The following COG2 variants were observed in gnomAD, a reference collection of about 807,000 sequenced individuals.
The protein encoded by COG2 is component of oligomeric golgi complex 2.
A neutral mutation model predicts 90.6 loss-of-function variants in COG2; 52 were observed. The observed-to-expected ratio is 0.57, with a 90% CI of 0.46 to 0.72. COG2 has a LOEUF of 0.72. Among genes scored for constraint, COG2 ranks in the 30% least tolerant of loss-of-function variants. The pLI is 0.00. For missense variants in COG2, 829 were observed against 891.2 expected (o/e 0.93, Z 0.89); for synonymous variants, 337 against 320.4 (o/e 1.05, Z -0.55).
intron 11 of COG2, among the ~76,000 whole-genome samples, chr1:230,684,040 C>A (rs368305988): frequency 4.6e-5 from 7 of 152,042 alleles, no homozygotes; most frequent in African/African-American, 1.2e-4. Context: ...ATTCACCCCC[C>A]CTTGGCCTTC....
At chr1:230,689,712 G>C (rs532744090) in intron 15 of COG2, among the ~76,000 whole-genome samples, 1 of 152,204 alleles carries the variant, frequency 6.6e-6, no homozygotes, top group African/African-American at 2.4e-5. Context: ...TGGTGTGGAC[G>C]TGAGGCCACG....
At chr1:230,670,040 G>C (rs16852189) in intron 7 of COG2, 3 of 152,466 alleles carry the variant, frequency 2.0e-5, no homozygotes, top group Admixed American at 1.3e-4. Flanking sequence ...ATACAGAGGA[G>C]TTTGCTGGAC....
chr1:230,674,917 T>C, intron 8 of COG2, 81 bp from the exon 9 acceptor site: 1 of 1,102,928 alleles, frequency 9.1e-7, no homozygotes, highest in Non-Finnish European at 1.3e-6. Context: ...GCGGATCTTT[T>C]GGCAGAAGCA....
intron 17 of COG2, 90 bp downstream of exon 17, chr1:230,691,654 A>G: frequency 8.1e-7 from 1 of 1,229,664 alleles, no homozygotes; most frequent in Non-Finnish European, 1.1e-6. Context: ...GATCCCAGAG[A>G]TGCTGTCGCA....
At chr1:230,653,109 T>C (rs1195864588) in intron 1 of COG2, among the ~76,000 whole-genome samples, 16 of 152,222 alleles carry the variant, frequency 1.1e-4, no homozygotes, top group African/African-American at 3.9e-4. Flanking sequence ...TTATTTGTCT[T>C]ATAACTGAAA....
Position 230,669,357 on chromosome 1 carries a change from G to A in COG2, c.596G>A (p.Arg199His), listed in dbSNP as rs147719039. The A allele has an allele frequency of 3.4e-5, 55 of 1,610,382 alleles. No individual in the cohort carries two copies. Among genetic ancestry groups the A allele is most frequent in the Admixed American group, 8.4e-5 (5 of 59,744 alleles). The change falls in exon 7 of 18, where the codon CGT becomes CAT. Residue 199 changes from arginine (R) to histidine (H), a missense_variant and splice_region_variant. Arg to His is a conservative substitution (Grantham distance 29). Transcript: ENST00000366669. ...GMPLLDKVRP[R>H]IAGITAMLQQ... Reference sequence around the variant, plus strand: ...TTATTTACCCACCTTTTCTTGCAGCGTATAGCTGGCATTACAGCCATGTTA... The same window carrying A: ...TTATTTACCCACCTTTTCTTGCAGCATATAGCTGGCATTACAGCCATGTTA...
chr1:230,677,579 G>T (rs1662630717), intron 9 of COG2, among the ~76,000 whole-genome samples: 1 of 152,144 alleles, frequency 6.6e-6, no homozygotes, highest in Admixed American at 6.6e-5. Context: ...TAAGGAGAGT[G>T]AAATAATGGC....
At position 230,678,540 on chromosome 1, in the gene COG2, C is replaced by T. The variant is rs1010575730; in HGVS notation, c.1027-373C>T. 11 of 1,154,498 alleles carry T rather than the reference C, an allele frequency of 9.5e-6. No homozygotes were observed. The African/African-American group carries it at 9.7e-5, about 10-fold the overall frequency. 71.5% of individuals were successfully genotyped at this position (1,154,498 alleles called of 1,614,324 possible). A position where few individuals can be genotyped will look rare whatever the true frequency, so the allele number is the denominator to read the frequency against. ...CTCTCTCTTTCTTCTTCAGAATTTT[C>T]TCCTTCTTTCTCCTTTGTGAGGCAA... On this transcript the variant is annotated intron_variant, in intron 9 of 17. Coordinates refer to ENST00000366669, the MANE Select transcript of COG2 (RefSeq NM_007357.3).
intron 3 of COG2, chr1:230,661,668 T>C (rs909618512): frequency 2.0e-5 from 3 of 151,998 alleles, no homozygotes; most frequent in Admixed American, 6.6e-5. Flanking sequence ...AAACATTCAG[T>C]GCATGTGTAG....
At chr1:230,671,688 G>A (rs189357586) in intron 8 of COG2, 48 bp downstream of exon 8, 21 of 1,585,426 alleles carry the variant, frequency 1.3e-5, no homozygotes, top group Admixed American at 7.1e-5. Flanking sequence ...TTCAGTGACC[G>A]CACCTGCTAA....
In COG2 at chr1:230,693,533, C is replaced by T. The variant is rs1379471685; in HGVS notation, c.*140C>T. ...TTCCAGCATCACTCCAGCAACACGCCCATGCGTCTTCTCTCAGCGTATTTG... is the reference window on the plus strand; with the variant it reads ...TTCCAGCATCACTCCAGCAACACGCTCATGCGTCTTCTCTCAGCGTATTTG... On this transcript the variant is annotated 3_prime_UTR_variant, in exon 18 of 18. Transcript: ENST00000366669. 9 of 545,400 alleles carry T rather than the reference C, an allele frequency of 1.7e-5. No individual in the cohort carries two copies. The highest frequency in any genetic ancestry group is 2.6e-5 in the Non-Finnish European group (8 of 302,578). The allele number at this position is 545,400 out of a possible 1,614,324, so 33.8% of individuals were successfully genotyped here.
In COG2 at chr1:230,685,195, ACT is replaced by A; in HGVS notation, c.1342_1343del (p.Leu448AlafsTer12). ...ACTGGTGCATCGCCTGTGGAGACTC[ACT>A]CTGCAGATTTTGGCACGATACTCTG... is the stretch of plus-strand genomic sequence containing the variant. ...PLLVHRLWRLTLQILARYSVF... is the reference protein window; with the variant it reads ...PLLVHRLWRLXLQILARYSVF... On this transcript the variant is annotated frameshift_variant, in exon 12 of 18. Coordinates refer to ENST00000366669, the MANE Select transcript of COG2 (RefSeq NM_007357.3). LOFTEE classifies it high-confidence loss of function. 6.2e-7 allele frequency: 1 copy of A among 1,613,978 alleles called. No individual in the cohort carries two copies. Among genetic ancestry groups the A allele is most frequent in the Non-Finnish European group, 8.5e-7 (1 of 1,179,998 alleles).
chr1:230,651,972 G>A (rs1342357023), intron 1 of COG2, among the ~76,000 whole-genome samples: 1 of 152,104 alleles, frequency 6.6e-6, no homozygotes, highest in Non-Finnish European at 1.5e-5. Flanking sequence ...TCTTGAATTA[G>A]TATGGTACCT....
At chr1:230,656,493 C>G (rs538646399) in intron 1 of COG2, among the ~76,000 whole-genome samples, 1 of 152,278 alleles carries the variant, frequency 6.6e-6, no homozygotes, top group South Asian at 2.1e-4. Flanking sequence ...TGTTTTACTT[C>G]CAATTATGTG....
Position 230,688,112 on chromosome 1 carries a change from G to C in COG2, c.1620G>C (p.Met540Ile). 6.2e-7 allele frequency: 1 copy of C among 1,600,960 alleles called. No individual in the cohort carries two copies. Among genetic ancestry groups the C allele is most frequent in the Non-Finnish European group, 8.5e-7 (1 of 1,175,844 alleles). Residue 540 changes from methionine to isoleucine, a missense_variant, in exon 14 of 18, where the codon ATG becomes ATC. Transcript: ENST00000366669. Reference sequence around the variant, plus strand: ...AAATAATCAAGCCAAAACTTGAAATGATTGGCTTTAAGAATTTTTCTTCTA... The same window carrying C: ...AAATAATCAAGCCAAAACTTGAAATCATTGGCTTTAAGAATTTTTCTTCTA... The part of the protein sequence containing the change: ...LLEIIKPKLE[M>I]IGFKNFSSIS...
At chr1:230,649,108 T>G (rs531312975) in intron 1 of COG2, among the ~76,000 whole-genome samples, 1 of 152,328 alleles carries the variant, frequency 6.6e-6, no homozygotes, top group East Asian at 1.9e-4. Context: ...ATTAATCCAT[T>G]TAAACATAAT....
At position 230,644,242 on chromosome 1, in the gene COG2, G is replaced by T. The variant is rs186949997; in HGVS notation, c.72+1564G>T. ...CTGTGAATATGCGGTACATTTTGTA[G>T]TGCTTATAAAAGTGACAACATACAT... On this transcript the variant is annotated intron_variant, in intron 1 of 17. Coordinates refer to ENST00000366669, the MANE Select transcript of COG2 (RefSeq NM_007357.3). 3.6e-3 allele frequency among the ~76,000 whole-genome samples: 553 copies of T among 152,354 alleles called. 3 individuals carry two copies. Among genetic ancestry groups the T allele is most frequent in the South Asian group, 0.032 (157 of 4,832 alleles).
intron 5 of COG2, among the ~76,000 whole-genome samples, chr1:230,666,072 C>G (rs968873316): frequency 6.6e-6 from 1 of 152,130 alleles, no homozygotes; most frequent in African/African-American, 2.4e-5. Context: ...TATCTGCAGA[C>G]GAACTTCTGT....
chr1:230,646,731 T>C (rs1661795407), intron 1 of COG2, among the ~76,000 whole-genome samples: 1 of 152,082 alleles, frequency 6.6e-6, no homozygotes, highest in Non-Finnish European at 1.5e-5. Flanking sequence ...CAAACTTGGC[T>C]CTCTTCTGGT....
Sources: allele counts gnomAD v4.1 joint callset (sites outside exome capture counted in the v4.1 genomes callset), GRCh38; gene constraint gnomAD v4.1.1; transcripts MANE v1.5; gene names NCBI Gene and HGNC (gene_info 2026-07-23, HGNC 2026-07-21).